NLGN4Y: variants seen among roughly 807,000 people sequenced by gnomAD.
NLGN4Y encodes the protein neuroligin 4 Y-linked.
A neutral mutation model predicts 8.4 loss-of-function variants in NLGN4Y; 4 were observed. The ratio of observed to expected loss-of-function variants is 0.48; its 90% CI spans 0.23 to 1.09. The LOEUF (loss-of-function observed/expected upper bound fraction) is 1.09, where lower values mean the gene tolerates loss of function less well. NLGN4Y is among the 50% of genes least tolerant of loss of function. NLGN4Y has a pLI of 0.19. For synonymous variants in NLGN4Y, 35 were observed against 75.6 expected (o/e 0.46, Z 2.78); for missense variants, 90 against 192.3 (o/e 0.47, Z 3.15).
chrY:14,620,976 A>C (rs2080505674), intron 1 of NLGN4Y, among the ~76,000 whole-genome samples: 1 of 33,722 alleles, frequency 3.0e-5, no homozygotes, highest in Non-Finnish European at 7.3e-5. Flanking sequence ...GGCATGCAGC[A>C]GCTTACTGCA....
At chrY:14,780,291 G>A (rs938931422) in intron 4 of NLGN4Y, among the ~76,000 whole-genome samples, 1 of 32,998 alleles carries the variant, frequency 3.0e-5, no homozygotes, top group Non-Finnish European at 7.4e-5. Flanking sequence ...CTTTGAAAAA[G>A]CATTTAAGAC....
At chrY:14,819,397 C>T in intron 4 of NLGN4Y, among the ~76,000 whole-genome samples, 1 of 33,758 alleles carries the variant, frequency 3.0e-5, no homozygotes, top group Admixed American at 2.7e-4. Context: ...CAAATATTTG[C>T]CCTGGACCCT....
At chrY:14,590,374 C>T in intron 1 of NLGN4Y, among the ~76,000 whole-genome samples, 1 of 33,779 alleles carries the variant, frequency 3.0e-5, no homozygotes, top group Non-Finnish European at 7.4e-5. Flanking sequence ...CAGGACACCC[C>T]AACTGCTGTT....
intron 4 of NLGN4Y, among the ~76,000 whole-genome samples, chrY:14,756,719 C>T (rs2081059144): frequency 3.9e-5 from 1 of 25,823 alleles, no homozygotes; most frequent in South Asian, 9.1e-4. Flanking sequence ...CACTCCATCC[C>T]AGGTGACAAC....
intron 1 of NLGN4Y, among the ~76,000 whole-genome samples, chrY:14,604,921 G>T (rs762611031): frequency 3.1e-5 from 1 of 32,718 alleles, no homozygotes; most frequent in Non-Finnish European, 7.6e-5. Flanking sequence ...GGTTCACAGT[G>T]GTTCATTTTT....
intron 2 of NLGN4Y, among the ~76,000 whole-genome samples, chrY:14,650,816 T>C (rs2080627334): frequency 3.1e-5 from 1 of 32,336 alleles, no homozygotes; most frequent in Admixed American, 2.9e-4. Context: ...TTATGTGAAG[T>C]TGCTGATACC....
chrY:14,587,654 C>T, intron 1 of NLGN4Y, among the ~76,000 whole-genome samples: 1 of 33,682 alleles, frequency 3.0e-5, no homozygotes, highest in Non-Finnish European at 7.3e-5. Context: ...TGTTAGTCAT[C>T]TCTGGGCTTT....
At chrY:14,765,703 A>G in intron 4 of NLGN4Y, among the ~76,000 whole-genome samples, 1 of 33,542 alleles carries the variant, frequency 3.0e-5, no homozygotes, top group Admixed American at 2.7e-4. Context: ...CCTCTTCAAG[A>G]TACATCAGGG....
intron 2 of NLGN4Y, among the ~76,000 whole-genome samples, chrY:14,697,182 CAGAT>C (rs2080830347): frequency 1.6e-3 from 43 of 27,162 alleles, no homozygotes; most frequent in Admixed American, 2.2e-3. Context: ...GGGTCACTAA[CAGAT>C]AGATAGATAG....
Position 14,844,662 on chromosome Y carries a change from A to G in NLGN4Y, c.*3400A>G, listed in dbSNP as rs2043239830. The G allele has an allele frequency of 1.2e-4, 4 of 34,004 alleles. No homozygotes were observed. Among genetic ancestry groups the G allele is most frequent in the Admixed American group, 8.0e-4 (3 of 3,749 alleles). 8.5% of individuals were successfully genotyped at this position (34,004 alleles called of 400,897 possible). A position where few individuals can be genotyped will look rare whatever the true frequency, so the allele number is the denominator to read the frequency against. ...TGATAATCTTTGCTAAGTAGCAAGT[A>G]AAGAAATATAGCAAGGACCCAGACT... On this transcript the variant is annotated 3_prime_UTR_variant, in exon 7 of 7. Coordinates refer to ENST00000684976, the MANE Select transcript of NLGN4Y (RefSeq NM_001365588.1).
intron 1 of NLGN4Y, among the ~76,000 whole-genome samples, chrY:14,581,212 A>G (rs1034303286): frequency 6.0e-5 from 2 of 33,468 alleles, no homozygotes; most frequent in African/African-American, 2.3e-4. Flanking sequence ...CTTTATAAAA[A>G]GTTTTAATTG....
chrY:14,638,505 T>G, intron 2 of NLGN4Y, among the ~76,000 whole-genome samples: 4 of 33,828 alleles, frequency 1.2e-4, no homozygotes, highest in Admixed American at 1.1e-3. Context: ...TTCCAAGAAA[T>G]TAAAGTTCGA....
intron 2 of NLGN4Y, among the ~76,000 whole-genome samples, chrY:14,634,568 C>A (rs2150512864): frequency 3.0e-5 from 1 of 33,322 alleles, no homozygotes; most frequent in East Asian, 8.1e-4. Flanking sequence ...GCCTGGGTGA[C>A]ACAGTAAGAC....
intron 2 of NLGN4Y, 50 bp from the exon 3 acceptor site, chrY:14,719,409 T>C (rs1205321916): frequency 4.8e-6 from 1 of 206,379 alleles, no homozygotes; most frequent in Non-Finnish European, 7.4e-6. Flanking sequence ...AAACATATTG[T>C]TTCTGAATTC....
intron 4 of NLGN4Y, among the ~76,000 whole-genome samples, chrY:14,810,767 A>C (rs2043075208): frequency 3.0e-5 from 1 of 33,006 alleles, no homozygotes; most frequent in Non-Finnish European, 7.4e-5. Flanking sequence ...GCTTCATTAT[A>C]GATACATGTA....
intron 4 of NLGN4Y, among the ~76,000 whole-genome samples, chrY:14,755,547 C>T (rs2081053931): frequency 3.0e-5 from 1 of 33,855 alleles, no homozygotes; most frequent in African/African-American, 1.2e-4. Flanking sequence ...AAAATCATTC[C>T]AGGCCAGGAA....
At chrY:14,650,368 C>G in intron 2 of NLGN4Y, among the ~76,000 whole-genome samples, 1 of 33,339 alleles carries the variant, frequency 3.0e-5, no homozygotes, top group East Asian at 8.0e-4. Context: ...TTGTAAAAAT[C>G]TCCCACTGGC....
intron 4 of NLGN4Y, among the ~76,000 whole-genome samples, chrY:14,753,008 G>T (rs2081045820): frequency 9.0e-5 from 3 of 33,221 alleles, no homozygotes; most frequent in Non-Finnish European, 2.2e-4. Context: ...TATTAGATTA[G>T]GAAAATTCCC....
chrY:14,722,504 C>A, intron 3 of NLGN4Y, among the ~76,000 whole-genome samples: 1 of 32,279 alleles, frequency 3.1e-5, no homozygotes, highest in Non-Finnish European at 7.5e-5. Flanking sequence ...AAAAACTTTT[C>A]TTTTAGTGCT....
Sources: gnomAD v4.1 joint callset for allele counts (sites outside exome capture counted in the v4.1 genomes callset) on GRCh38, gnomAD v4.1.1 for gene constraint, MANE v1.5 for transcripts, NCBI Gene and HGNC (gene_info 2026-07-23, HGNC 2026-07-21) for gene names.